The following TASOR2 variants were observed in gnomAD, a reference collection of about 807,000 sequenced individuals.
TASOR2 encodes transcription activation suppressor family member 2.
Under a neutral mutation model 199.5 loss-of-function variants are expected in TASOR2, and 84 were observed. The ratio of observed to expected loss-of-function variants is 0.42; its 90% CI spans 0.35 to 0.50. The LOEUF (loss-of-function observed/expected upper bound fraction) is 0.50. Ranked by LOEUF, TASOR2 falls within the 20% of genes least tolerant of loss-of-function variation. The pLI, the probability that TASOR2 is intolerant of heterozygous loss-of-function variation, is 0.02. For missense variants in TASOR2, 2,796 were observed against 2,835.9 expected (o/e 0.99, Z 0.32); for synonymous variants, 1,103 against 1,046.6 (o/e 1.05, Z -1.04).
In TASOR2 at chr10:5,710,311, T is replaced by C. The variant is rs1831749838; in HGVS notation, c.-287-2512T>C. Among the ~76,000 whole-genome samples the C allele has an allele frequency of 6.6e-6, 1 of 152,162 alleles. No homozygotes were observed. Among genetic ancestry groups the C allele is most frequent in the South Asian group, 2.1e-4 (1 of 4,830 alleles). ...TTTTCCAACAACTTTGTTTTTAACATACCTCTGCTAACCATAAAATCACTG... is the reference window on the plus strand; with the variant it reads ...TTTTCCAACAACTTTGTTTTTAACACACCTCTGCTAACCATAAAATCACTG... On this transcript the variant is annotated intron_variant, in intron 1 of 20. Coordinates refer to ENST00000328090, the Ensembl canonical transcript of TASOR2. The surrounding 1 kb of genome is among the most constrained non-coding windows in gnomAD (Gnocchi z 4.6).
At chr10:5,714,425 G>A (rs572340230) in intron 2 of TASOR2, 1 of 351,224 alleles carries the variant, frequency 2.8e-6, no homozygotes, top group African/African-American at 2.1e-5. Context: ...ATTGTCTTGA[G>A]AATCTCTTCT....
chr10:5,724,927 C>A (rs897669747), intron 8 of TASOR2, among the ~76,000 whole-genome samples: 2 of 151,906 alleles, frequency 1.3e-5, no homozygotes, highest in Non-Finnish European at 2.9e-5. Context: ...GGAATAGTTA[C>A]AACAATATAC....
intron 20 of TASOR2, 29 bp from the exon 22 acceptor site, chr10:5,763,000 A>C: frequency 6.2e-7 from 1 of 1,606,578 alleles, no homozygotes; most frequent in South Asian, 1.1e-5. Flanking sequence ...TATTTTAAGA[A>C]GTTCTTTATC....
chr10:5,746,801 C>T lies in TASOR2; in HGVS notation c.3380C>T (p.Ser1127Leu), dbSNP rs202240721. The change falls in exon 15 of 21, where the codon TCG becomes TTG. Residue 1127 changes from serine to leucine, a missense_variant. Ser to Leu is a moderately radical substitution (Grantham distance 145). This residue lies in a region of TASOR2 where 1,941 missense variants were observed against 1,924.9 expected (regional missense o/e 1.01). Coordinates refer to ENST00000328090, the Ensembl canonical transcript of TASOR2. ...AAGGGCACTAAGTACCTTTGTGCCTCGTCAGTAGGTGGAGAGACACTTGAT... is the reference window on the plus strand; with the variant it reads ...AAGGGCACTAAGTACCTTTGTGCCTTGTCAGTAGGTGGAGAGACACTTGAT... The T allele has an allele frequency of 2.7e-5, 44 of 1,614,110 alleles. No individual in the cohort carries two copies. The highest frequency in any genetic ancestry group is 2.5e-4 in the African/African-American group (19 of 75,020).
intron 18 of TASOR2, 159 bp from the exon 20 acceptor site, chr10:5,761,131 C>G (rs1839759588): frequency 8.3e-6 from 5 of 600,928 alleles, no homozygotes; most frequent in Middle Eastern, 4.5e-4. Flanking sequence ...GGAGTAGGTA[C>G]AATTGTGATG....
chr10:5,717,125 A>G (rs990181826), intron 2 of TASOR2, among the ~76,000 whole-genome samples: 5 of 151,830 alleles, frequency 3.3e-5, no homozygotes, highest in Non-Finnish European at 4.4e-5. Context: ...TGGTGGAAGT[A>G]GAAACTGGAT....
Position 5,740,486 on chromosome 10 carries a change from A to G in TASOR2, c.2316A>G (p.Arg772=), listed in dbSNP as rs1359765986. The stretch of plus-strand genomic sequence containing the variant: ...ACCCACTGGAGAAAACTGTAGTAAG[A>G]GCATTACATGGGTGAGTATGAGTGA... The change falls in exon 13 of 21, where the codon AGA becomes AGG. Residue 772 remains arginine (R), a synonymous_variant. Transcript: ENST00000328090. The surrounding 1 kb of genome is among the most constrained non-coding windows in gnomAD (Gnocchi z 5.3). 6.2e-7 allele frequency: 1 copy of G among 1,611,446 alleles called. No homozygotes were observed. The highest frequency in any genetic ancestry group is 8.5e-7 in the Non-Finnish European group (1 of 1,179,916).
exon 15 of TASOR2, chr10:5,749,617 T>G (rs778826851): frequency 1.2e-6 from 2 of 1,614,158 alleles, no homozygotes; most frequent in East Asian, 4.5e-5. Context: ...TCTGGACAGC[T>G]CTTCCTCTTG....
Position 5,748,482 on chromosome 10 carries a change from A to C in TASOR2, c.5061A>C (p.Ala1687=). 2 of 1,614,144 alleles carry C rather than the reference A, an allele frequency of 1.2e-6. No homozygotes were observed. The highest frequency in any genetic ancestry group is 1.7e-6 in the Non-Finnish European group (2 of 1,180,042). ...TGTTTCAAGCACAGGAAATACCAGC[A>C]GGCAGAATGGCCAGTTTGCTTAAGA... The change falls in exon 15 of 21, where the codon GCA becomes GCC. Residue 1687 remains alanine (A), a synonymous_variant. Coordinates refer to ENST00000328090, the Ensembl canonical transcript of TASOR2. This position sits in a 1 kb window ranked among gnomAD's most constrained non-coding sequence, Gnocchi z 5.1.
In TASOR2 at chr10:5,748,550, C is replaced by T. The variant is rs1054132900; in HGVS notation, c.5129C>T (p.Pro1710Leu). Residue 1710 changes from proline to leucine, a missense_variant, in exon 15 of 21, where the codon CCA becomes CTA. Physicochemically the swap from Pro to Leu is moderately conservative, Grantham distance 98. This residue lies in a region of TASOR2 where 1,941 missense variants were observed against 1,924.9 expected (regional missense o/e 1.01). Coordinates refer to ENST00000328090, the Ensembl canonical transcript of TASOR2. The surrounding 1 kb of genome is among the most constrained non-coding windows in gnomAD (Gnocchi z 5.1). ...GAGTTACATAAAGAAACCACAGGTC[C>T]AGGCACTGCTGGCCCTCAGTCCAAC... is the stretch of plus-strand genomic sequence containing the variant. The T allele has an allele frequency of 6.2e-7, 1 of 1,613,418 alleles. No homozygotes were observed. Among genetic ancestry groups the T allele is most frequent in the East Asian group, 2.2e-5 (1 of 44,890 alleles).
chr10:5,723,905 A>G, intron 7 of TASOR2, 128 bp downstream of exon 8: 4 of 500,868 alleles, frequency 8.0e-6, no homozygotes, highest in Non-Finnish European at 3.4e-6. Flanking sequence ...AGTCTTTTGT[A>G]AGAAAGCTGT....
At chr10:5,686,912 T>C (rs1202757932) in intron 1 of TASOR2, among the ~76,000 whole-genome samples, 1 of 152,200 alleles carries the variant, frequency 6.6e-6, no homozygotes, top group Non-Finnish European at 1.5e-5. Context: ...AAAAGAGCTT[T>C]GGGTTTTTCT....
intron 1 of TASOR2, among the ~76,000 whole-genome samples, chr10:5,694,226 T>C (rs764131609): frequency 2.0e-5 from 3 of 152,146 alleles, no homozygotes; most frequent in Admixed American, 6.5e-5. Flanking sequence ...AGATGAGGTA[T>C]AGGAAATTGG....
intron 14 of TASOR2, among the ~76,000 whole-genome samples, chr10:5,744,623 G>GTTTGT (rs1554773167): frequency 6.6e-6 from 1 of 151,852 alleles, no homozygotes; most frequent in Admixed American, 6.6e-5. Context: ...TGGTTGGTTT[G>GTTTGT]TTTGTTTTGT....
intron 10 of TASOR2, among the ~76,000 whole-genome samples, chr10:5,729,494 C>G (rs879562396): frequency 1.1e-4 from 16 of 152,296 alleles, no homozygotes; most frequent in Admixed American, 3.3e-4. Flanking sequence ...TGAGCCCACT[C>G]GTTCAAGACC....
intron 18 of TASOR2, among the ~76,000 whole-genome samples, chr10:5,759,862 A>C (rs1206005521): frequency 6.6e-6 from 1 of 152,256 alleles, no homozygotes. Flanking sequence ...CAAAGGCTTC[A>C]GCAGGTCAAG....
exon 15 of TASOR2, chr10:5,746,524 T>G (rs1837237636): frequency 6.2e-7 from 1 of 1,614,084 alleles, no homozygotes; most frequent in Non-Finnish European, 8.5e-7. Flanking sequence ...TCACCCTTCC[T>G]TGGAAAGAAA....
In TASOR2 at chr10:5,742,071, C is replaced by T; in HGVS notation, c.2328-26C>T. 1 of 1,594,882 alleles carries T rather than the reference C, an allele frequency of 6.3e-7. No homozygotes were observed. The highest frequency in any genetic ancestry group is 8.5e-7 in the Non-Finnish European group (1 of 1,173,950). ...TAAAATAACCATTTTCAATGATTTT[C>T]ATGTGTTCTTTCTGTAAACTCTTAG... On this transcript the variant is annotated intron_variant, in intron 13 of 20. Transcript: ENST00000328090. This position sits in a 1 kb window ranked among gnomAD's most constrained non-coding sequence, Gnocchi z 4.2.
intron 1 of TASOR2, chr10:5,712,127 AG>A (rs1379337373): frequency 9.0e-6 from 2 of 222,284 alleles, no homozygotes; most frequent in Non-Finnish European, 1.7e-5. Flanking sequence ...CTACAGTTAT[AG>A]TACACAGCTT....
Sources: allele counts gnomAD v4.1 joint callset (sites outside exome capture counted in the v4.1 genomes callset), GRCh38; gene constraint gnomAD v4.1.1; regional missense constraint gnomAD v4.1.1; non-coding constraint Gnocchi (gnomAD v3.1); transcripts MANE v1.5; gene names NCBI Gene and HGNC (gene_info 2026-07-23, HGNC 2026-07-21).